The following ABL2 variants were observed in gnomAD, a reference collection of about 807,000 sequenced individuals.
The protein encoded by ABL2 is tyrosine-protein kinase ABL2.
ABL2 carries 49 observed loss-of-function variants against 107.7 expected under a neutral mutation model. The observed-to-expected ratio is 0.45, with a 90% CI of 0.36 to 0.58. The LOEUF is 0.58. Among genes scored for constraint, ABL2 ranks in the 20% least tolerant of loss-of-function variants. The probability of loss-of-function intolerance (pLI) is 0.00; values close to 1 mark genes in which losing one functional copy is unlikely to be tolerated. For synonymous variants in ABL2, 549 were observed against 548.6 expected (o/e 1.00, Z -0.01); for missense variants, 1,245 against 1,457.0 (o/e 0.85, Z 2.37).
intron 6 of ABL2, among the ~76,000 whole-genome samples, 171 bp from the exon 7 acceptor site, chr1:179,118,935 T>G (rs970231407): frequency 2.2e-4 from 34 of 152,200 alleles, no homozygotes; most frequent in African/African-American, 7.0e-4. Context: ...AGCTGGTTTA[T>G]AAGGGAGTCC....
intron 1 of ABL2, among the ~76,000 whole-genome samples, chr1:179,150,911 G>A (rs1265509866): frequency 2.0e-5 from 3 of 152,154 alleles, no homozygotes; most frequent in Non-Finnish European, 4.4e-5. Context: ...GATCTCAGCA[G>A]CCATCAATGT....
In ABL2 at chr1:179,134,566, C is replaced by G. The variant is rs2636287; in HGVS notation, c.158-1192G>C. On this transcript the variant is annotated intron_variant, in intron 1 of 11. Transcript: ENST00000502732. ...CTCTGCATCTGCGAACACCTACTTT[C>G]CTATACTTACAGTAGGAAACACAGG... 5.3e-5 allele frequency among the ~76,000 whole-genome samples: 8 copies of G among 151,838 alleles called. No individual in the cohort carries two copies. In the South Asian group the frequency reaches 1.5e-3, roughly 28 times the overall value.
chr1:179,181,400 G>A (rs1660366220), intron 1 of ABL2, among the ~76,000 whole-genome samples: 1 of 152,184 alleles, frequency 6.6e-6, no homozygotes, highest in East Asian at 1.9e-4. Context: ...GATATAGTAT[G>A]GTAGAGGAGT....
At position 179,108,694 on chromosome 1, in the gene ABL2, G is replaced by C. The variant is rs754809407; in HGVS notation, c.2573C>G (p.Thr858Arg). Residue 858 changes from threonine (T) to arginine (R), a missense_variant, in exon 12 of 12, where the codon ACA becomes AGA. Coordinates refer to ENST00000502732, the MANE Select transcript of ABL2 (RefSeq NM_007314.4). ...PKAKLLPRGA[T>R]ALPLRTPSGD... ...AGAGGGTGTTCTGAGAGGAAGAGCT[G>C]TGGCTCCTCTGGGCAATAACTTGGC... The C allele has an allele frequency of 6.2e-7, 1 of 1,614,216 alleles. No homozygotes were observed. Among genetic ancestry groups the C allele is most frequent in the Admixed American group, 1.7e-5 (1 of 60,028 alleles).
In ABL2 at chr1:179,108,342, G is replaced by A; in HGVS notation, c.2925C>T (p.Pro975=). The change falls in exon 12 of 12, where the codon CCC becomes CCT. Residue 975 remains proline (P), a synonymous_variant. Coordinates refer to ENST00000502732, the MANE Select transcript of ABL2 (RefSeq NM_007314.4). Reference sequence around the variant, plus strand: ...GGGCACACTTTGGTTTTACCCGTCGGGGTCGGTCCTTGTCTCCAGAGGATG... The same window carrying A: ...GGGCACACTTTGGTTTTACCCGTCGAGGTCGGTCCTTGTCTCCAGAGGATG... ...QVTSSGDKDR[P]RRVKPKCAPP... 6 of 1,614,234 alleles carry A rather than the reference G, an allele frequency of 3.7e-6. No homozygotes were observed. In the South Asian group the frequency reaches 5.5e-5, roughly 15 times the overall value.
rs143326912 is a variant in ABL2 at position 179,170,058 on chromosome 1, AT to A, written c.158-36685del. ...ACAACAACAACGACAACAACAAAAC[AT>A]GTTTATTTGGCTCACAGTTCTAGAG... On this transcript the variant is annotated intron_variant, in intron 1 of 11. Coordinates refer to ENST00000502732, the MANE Select transcript of ABL2 (RefSeq NM_007314.4). Among the ~76,000 whole-genome samples, 87 of 152,230 alleles carry A rather than the reference AT, an allele frequency of 5.7e-4. 1 individual carries two copies. In the East Asian group the frequency reaches 0.017, roughly 29 times the overall value.
In ABL2 at chr1:179,164,348, A is replaced by C. The variant is rs148459875; in HGVS notation, c.158-30974T>G. Among the ~76,000 whole-genome samples, 662 of 152,312 alleles carry C rather than the reference A, an allele frequency of 4.3e-3. 1 individual carries two copies. The highest frequency in any genetic ancestry group is 0.01 in the Middle Eastern group (3 of 294). Reference sequence around the variant, plus strand: ...CTACAGATGAGAATTTTGCAGCTTCACTTGAATTTTAAATTTCCACACTTA... The same window carrying C: ...CTACAGATGAGAATTTTGCAGCTTCCCTTGAATTTTAAATTTCCACACTTA... On this transcript the variant is annotated intron_variant, in intron 1 of 11. Coordinates refer to ENST00000502732, the MANE Select transcript of ABL2 (RefSeq NM_007314.4).
At chr1:179,216,626 A>G (rs2124843360) in intron 1 of ABL2, among the ~76,000 whole-genome samples, 1 of 152,348 alleles carries the variant, frequency 6.6e-6, no homozygotes, top group Admixed American at 6.5e-5. Flanking sequence ...AATTTTTTAA[A>G]AATTCTCCTG....
intron 2 of ABL2, among the ~76,000 whole-genome samples, chr1:179,132,130 C>T (rs926961270): frequency 2.0e-5 from 3 of 152,184 alleles, no homozygotes; most frequent in African/African-American, 4.8e-5. Context: ...TGGCCGCACC[C>T]GGCCTGAATG....
At chr1:179,147,584 G>A (rs907497478) in intron 1 of ABL2, among the ~76,000 whole-genome samples, 2 of 152,176 alleles carry the variant, frequency 1.3e-5, no homozygotes, top group East Asian at 3.8e-4. Context: ...TGGAACTGGA[G>A]GTCGTTATCC....
At chr1:179,219,095 T>A (rs1240135657) in intron 1 of ABL2, among the ~76,000 whole-genome samples, 1 of 152,112 alleles carries the variant, frequency 6.6e-6, no homozygotes, top group Non-Finnish European at 1.5e-5. Context: ...CAGAATGGAG[T>A]GCAGCGACGT....
At chr1:179,123,289 TGAGG>T (rs1655399193) in intron 4 of ABL2, among the ~76,000 whole-genome samples, 2 of 152,074 alleles carry the variant, frequency 1.3e-5, no homozygotes, top group Admixed American at 6.5e-5. Flanking sequence ...GCAGGTCACT[TGAGG>T]TCAAGAGTTG....
At chr1:179,193,876 C>T (rs1165468113) in intron 1 of ABL2, among the ~76,000 whole-genome samples, 2 of 152,046 alleles carry the variant, frequency 1.3e-5, no homozygotes, top group Admixed American at 6.6e-5. Context: ...GGACTACAGA[C>T]GCCCGCCACC....
In ABL2 at chr1:179,102,420, G is replaced by A. The variant is rs1572588263; in HGVS notation, c.*5298C>T. 1.4e-5 allele frequency: 3 copies of A among 220,104 alleles called. No individual in the cohort carries two copies. The highest frequency in any genetic ancestry group is 1.4e-3 in the Middle Eastern group (1 of 690). 13.6% of individuals were successfully genotyped at this position (220,104 alleles called of 1,614,324 possible). A position where few individuals can be genotyped will look rare whatever the true frequency, so the allele number is the denominator to read the frequency against. On this transcript the variant is annotated 3_prime_UTR_variant, in exon 12 of 12. Transcript: ENST00000502732. ...TTCAGAAGTTCTCACATACTCCTACGGATCCCAGACTGAAGCAGGAATTTA... is the reference window on the plus strand; with the variant it reads ...TTCAGAAGTTCTCACATACTCCTACAGATCCCAGACTGAAGCAGGAATTTA...
At chr1:179,114,193 T>C (rs575268429) in intron 9 of ABL2, among the ~76,000 whole-genome samples, 2 of 151,160 alleles carry the variant, frequency 1.3e-5, no homozygotes, top group African/African-American at 4.9e-5. Flanking sequence ...GGACGGAGGT[T>C]GCAAAGATTG....
intron 1 of ABL2, chr1:179,184,423 A>G: frequency 1.0e-6 from 1 of 984,656 alleles, no homozygotes; most frequent in Non-Finnish European, 1.5e-6. Context: ...AGGCAGCATG[A>G]GGCACCAGAG....
At chr1:179,141,425 C>A (rs1657580745) in intron 1 of ABL2, among the ~76,000 whole-genome samples, 1 of 152,166 alleles carries the variant, frequency 6.6e-6, no homozygotes, top group Non-Finnish European at 1.5e-5. Flanking sequence ...GACAAGTCAA[C>A]TTCCTGAAAG....
rs774421662 is a variant in ABL2 at position 179,112,336 on chromosome 1, T to C, written c.1624A>G (p.Met542Val). ...FAETHQAFET[M>V]FHDSSISEEV... ...TCAGAAATGCTGGAGTCATGGAACA[T>C]GGTTTCAAAAGCTTGGTGTGTTTCA... Residue 542 changes from methionine (M) to valine (V), a missense_variant, in exon 10 of 12, where the codon ATG (methionine) becomes GTG (valine). By Grantham distance (21) the Met-to-Val change is conservative. Transcript: ENST00000502732. 2 of 1,613,874 alleles carry C rather than the reference T, an allele frequency of 1.2e-6. No individual in the cohort carries two copies. Among genetic ancestry groups the C allele is most frequent in the South Asian group, 1.1e-5 (1 of 91,076 alleles).
Position 179,108,049 on chromosome 1 carries a change from T to A in ABL2, c.3218A>T (p.Lys1073Ile). 1 of 1,614,198 alleles carries A rather than the reference T, an allele frequency of 6.2e-7. No individual in the cohort carries two copies. Among genetic ancestry groups the A allele is most frequent in the Middle Eastern group, 1.6e-4 (1 of 6,062 alleles). ...AGTKVALRKT[K>I]QAAEKISADK... is the part of the protein sequence containing the mutation. ...TGCTGAGATTTTCTCAGCGGCCTGT[T>A]TGGTTTTTCTCAGAGCCACTTTAGT... The change falls in exon 12 of 12, where the codon AAA becomes ATA. Residue 1073 changes from lysine to isoleucine, a missense_variant. Lys to Ile is a moderately radical substitution (Grantham distance 102, BLOSUM62 -3). Coordinates refer to ENST00000502732, the MANE Select transcript of ABL2 (RefSeq NM_007314.4).
Sources: gnomAD v4.1 joint callset for allele counts (sites outside exome capture counted in the v4.1 genomes callset) on GRCh38, gnomAD v4.1.1 for gene constraint, MANE v1.5 for transcripts, NCBI Gene and HGNC (gene_info 2026-07-23, HGNC 2026-07-21) for gene names.